Variants in ADAMTSL1 observed in about 807,000 individuals in gnomAD.
The protein encoded by ADAMTSL1 is ADAMTS like 1.
Under a neutral mutation model 201.8 loss-of-function variants are expected in ADAMTSL1, and 126 were observed. That is an observed-to-expected ratio of 0.62 (90% CI 0.54 to 0.72). ADAMTSL1 has a LOEUF of 0.72. Among genes scored for constraint, ADAMTSL1 ranks in the 30% least tolerant of loss-of-function variants. The pLI, the probability that ADAMTSL1 is intolerant of heterozygous loss-of-function variation, is 0.00. For missense variants in ADAMTSL1, 2,679 were observed against 2,277.8 expected (o/e 1.18, Z -3.59); for synonymous variants, 1,121 against 903.4 (o/e 1.24, Z -4.32).
At chr9:18,610,279 C>T (rs1363222616) in intron 4 of ADAMTSL1, among the ~76,000 whole-genome samples, 3 of 152,126 alleles carry the variant, frequency 2.0e-5, no homozygotes, top group Non-Finnish European at 4.4e-5. Context: ...ACTATTTCAT[C>T]CAAATATTTT....
intron 20 of ADAMTSL1, among the ~76,000 whole-genome samples, chr9:18,800,861 C>T (rs113922462): frequency 1.4e-3 from 207 of 152,192 alleles, no homozygotes; most frequent in Non-Finnish European, 2.7e-3. Flanking sequence ...GTGGAACATG[C>T]GAAGAATTTG....
intron 1 of ADAMTSL1, among the ~76,000 whole-genome samples, chr9:18,031,565 T>G (rs975813397): frequency 8.5e-5 from 13 of 152,314 alleles, no homozygotes; most frequent in African/African-American, 2.9e-4. Context: ...GTCTCTTACA[T>G]ACTTCTTTTA....
intron 4 of ADAMTSL1, among the ~76,000 whole-genome samples, chr9:18,595,929 T>G (rs1187328109): frequency 6.6e-6 from 1 of 152,228 alleles, no homozygotes; most frequent in Non-Finnish European, 1.5e-5. Context: ...TGGGCTCTGC[T>G]AGGCTTTCAC....
chr9:18,465,245 G>A (rs995768291), intron 2 of ADAMTSL1, among the ~76,000 whole-genome samples: 4 of 152,162 alleles, frequency 2.6e-5, no homozygotes, highest in Admixed American at 2.6e-4. Context: ...TGTCTCAGCT[G>A]CCAGAAGGAT....
chr9:18,598,608 A>G (rs1395998938), intron 4 of ADAMTSL1, among the ~76,000 whole-genome samples: 2 of 152,078 alleles, frequency 1.3e-5, no homozygotes, highest in East Asian at 3.8e-4. Flanking sequence ...AAGTAGTTGT[A>G]TTATTTAAAA....
chr9:18,321,524 TG>T (rs1834618204), intron 2 of ADAMTSL1, among the ~76,000 whole-genome samples: 1 of 152,224 alleles, frequency 6.6e-6, no homozygotes, highest in Non-Finnish European at 1.5e-5. Context: ...CTGGGCGCGG[TG>T]GCTCACGCCT....
intron 3 of ADAMTSL1, among the ~76,000 whole-genome samples, chr9:18,552,415 G>C (rs145917987): frequency 6.6e-6 from 1 of 151,620 alleles, no homozygotes; most frequent in Non-Finnish European, 1.5e-5. Context: ...GCTAACAATT[G>C]CATTATGATT....
At chr9:18,402,701 T>A (rs1358066827) in intron 2 of ADAMTSL1, among the ~76,000 whole-genome samples, 3 of 152,184 alleles carry the variant, frequency 2.0e-5, no homozygotes, top group Admixed American at 2.0e-4. Flanking sequence ...GTCTTTTGGT[T>A]ATCCCCTCCT....
At chr9:18,628,458 A>G (rs1348935453) in intron 5 of ADAMTSL1, among the ~76,000 whole-genome samples, 1 of 151,842 alleles carries the variant, frequency 6.6e-6, no homozygotes, top group African/African-American at 2.4e-5. Flanking sequence ...TCAATACTCC[A>G]TTTTTTTTAT....
intron 9 of ADAMTSL1, among the ~76,000 whole-genome samples, chr9:18,671,741 T>C (rs1829826276): frequency 6.6e-6 from 1 of 152,124 alleles, no homozygotes; most frequent in Admixed American, 6.6e-5. Flanking sequence ...TCTTTATGGT[T>C]CATTTTCATT....
At chr9:18,626,947 C>CTTTTCT (rs142535767) in intron 5 of ADAMTSL1, among the ~76,000 whole-genome samples, 1 of 132,006 alleles carries the variant, frequency 7.6e-6, no homozygotes, top group African/African-American at 2.8e-5. Context: ...TCCTTTCTTT[C>CTTTTCT]TTTCTTTTCT....
chr9:18,654,872 G>A (rs752518026), intron 7 of ADAMTSL1, among the ~76,000 whole-genome samples: 2 of 152,292 alleles, frequency 1.3e-5, no homozygotes, highest in Non-Finnish European at 2.9e-5. Flanking sequence ...CATCCCTGTC[G>A]CTCTGAGAGC....
intron 1 of ADAMTSL1, among the ~76,000 whole-genome samples, chr9:17,981,860 C>A (rs1432397887): frequency 1.3e-5 from 2 of 151,976 alleles, no homozygotes; most frequent in African/African-American, 4.8e-5. Flanking sequence ...TTGGGGTTGC[C>A]CTTGTCACTA....
In ADAMTSL1 at chr9:18,385,119, A is replaced by T. The variant is rs557152582; in HGVS notation, c.208-119710A>T. ...GGGTCACATTACAAGCAAAATTTGG[A>T]TGGGCAGAGGCATTTAAATGATGCT... On this transcript the variant is annotated intron_variant, in intron 2 of 29. Coordinates refer to the ADAMTSL1 transcript ENST00000680146. 2.8e-4 allele frequency among the ~76,000 whole-genome samples: 43 copies of T among 152,290 alleles called. No individual in the cohort carries two copies. The South Asian group carries it at 8.5e-3, about 30-fold the overall frequency.
In ADAMTSL1 at chr9:18,680,374, C is replaced by A. The variant is rs1233570025; in HGVS notation, c.1199C>A (p.Ala400Glu). 6 of 1,614,020 alleles carry A rather than the reference C, an allele frequency of 3.7e-6. No individual in the cohort carries two copies. The highest frequency in any genetic ancestry group is 5.1e-6 in the Non-Finnish European group (6 of 1,180,036). The change falls in exon 11 of 29, where the codon GCA becomes GAA. Residue 400 changes from alanine to glutamate, a missense_variant. Ala to Glu is a moderately radical substitution (Grantham distance 107). Transcript: ENST00000380548. The part of the protein sequence containing the change: ...SSCGGGIQSR[A>E]VSCVEEDIQG... ...TGTGGGGGGGGCATCCAGAGCCGGG[C>A]AGTTTCCTGTGTGGAGGAGGACATC...
chr9:18,478,926 C>T (rs1436781786), intron 1 of ADAMTSL1, among the ~76,000 whole-genome samples: 1 of 152,178 alleles, frequency 6.6e-6, no homozygotes, highest in Non-Finnish European at 1.5e-5. Context: ...TTTCTGTCTA[C>T]ATCATAAAAA....
intron 13 of ADAMTSL1, among the ~76,000 whole-genome samples, chr9:18,688,228 A>G (rs191185156): frequency 1.5e-3 from 225 of 151,690 alleles, no homozygotes; most frequent in African/African-American, 5.3e-3. Context: ...GGTTCAAGCT[A>G]TTCTCATGCC....
chr9:18,234,089 G>A (rs888695116), intron 2 of ADAMTSL1, among the ~76,000 whole-genome samples: 7 of 152,264 alleles, frequency 4.6e-5, no homozygotes, highest in Non-Finnish European at 8.8e-5. Flanking sequence ...TATTTCACAG[G>A]TAGAAAGGAC....
intron 1 of ADAMTSL1, among the ~76,000 whole-genome samples, chr9:17,979,592 TTTC>T (rs1328448872): frequency 6.6e-6 from 1 of 151,642 alleles, no homozygotes; most frequent in African/African-American, 2.4e-5. Context: ...GGTACTGAAC[TTTC>T]TTAAGACAGT....
Sources: allele counts gnomAD v4.1 joint callset (sites outside exome capture counted in the v4.1 genomes callset), GRCh38; gene constraint gnomAD v4.1.1; transcripts MANE v1.5; gene names NCBI Gene and HGNC (gene_info 2026-07-23, HGNC 2026-07-21).